Variants in IL18 observed in about 807,000 individuals in gnomAD.
IL18 encodes the protein interleukin-18.
In IL18, 8 loss-of-function variants were observed where a neutral mutation model predicts 14.2. The observed-to-expected ratio is 0.56, with a 90% confidence interval of 0.33 to 1.01. The LOEUF (loss-of-function observed/expected upper bound fraction) is 1.01. Among genes scored for constraint, IL18 ranks in the 50% least tolerant of loss-of-function variants. The probability of loss-of-function intolerance (pLI) is 0.03; values close to 1 mark genes in which losing one functional copy is unlikely to be tolerated. For synonymous variants in IL18, 67 were observed against 71.0 expected (o/e 0.94, Z 0.28); for missense variants, 166 against 231.1 (o/e 0.72, Z 1.83).
At chr11:112,156,570 C>A (rs1399984455) in intron 1 of IL18, among the ~76,000 whole-genome samples, 2 of 151,942 alleles carry the variant, frequency 1.3e-5, no homozygotes, top group Non-Finnish European at 2.9e-5. Context: ...GCCTGGGACT[C>A]CCATCTGGGA....
At chr11:112,159,234 C>T (rs752648134) in intron 1 of IL18, among the ~76,000 whole-genome samples, 3 of 151,834 alleles carry the variant, frequency 2.0e-5, no homozygotes, top group Non-Finnish European at 4.4e-5. Flanking sequence ...TACCTGTAGT[C>T]CCAGCTACTC....
chr11:112,163,793 CT>C (rs1470997290), intron 1 of IL18, 112 bp downstream of exon 1: 1 of 152,360 alleles, frequency 6.6e-6, no homozygotes, highest in Admixed American at 6.5e-5. Context: ...TTGATACTGA[CT>C]GCTCATCGTA....
intron 1 of IL18, among the ~76,000 whole-genome samples, chr11:112,161,629 T>C (rs1037300099): frequency 2.6e-5 from 4 of 152,096 alleles, no homozygotes; most frequent in Admixed American, 1.3e-4. Flanking sequence ...TGAAACCCTG[T>C]TTCTACTAAA....
At chr11:112,145,748 GA>G (rs1428684358) in intron 5 of IL18, among the ~76,000 whole-genome samples, 2 of 141,482 alleles carry the variant, frequency 1.4e-5, no homozygotes, top group East Asian at 1.9e-4. Context: ...CAAAAAAAAA[GA>G]AAAAAAGAAA....
At chr11:112,156,678 C>G (rs2135320559) in intron 1 of IL18, among the ~76,000 whole-genome samples, 1 of 152,124 alleles carries the variant, frequency 6.6e-6, no homozygotes, top group South Asian at 2.1e-4. Context: ...CTCCTGAGCT[C>G]AAATGGTTTG....
intron 3 of IL18, chr11:112,151,104 T>C (rs1191519299): frequency 6.6e-6 from 1 of 152,182 alleles, no homozygotes; most frequent in African/African-American, 2.4e-5. Context: ...TGTGTGAACA[T>C]TTTTGTACAG....
At chr11:112,149,558 G>GTTTTTTT (rs561459069) in intron 4 of IL18, among the ~76,000 whole-genome samples, 44 of 99,294 alleles carry the variant, frequency 4.4e-4, no homozygotes, top group Admixed American at 7.1e-4. Context: ...CTTTTCTTAA[G>GTTTTTTT]TTTTTTTTTT....
intron 3 of IL18, chr11:112,151,009 C>T (rs1284818660): frequency 6.6e-6 from 1 of 152,208 alleles, no homozygotes; most frequent in Non-Finnish European, 1.5e-5. Context: ...TCTACTGAAG[C>T]TTTAATTTGC....
chr11:112,144,086 T>A (rs1866294257), intron 5 of IL18, among the ~76,000 whole-genome samples: 1 of 152,144 alleles, frequency 6.6e-6, no homozygotes, highest in South Asian at 2.1e-4. Flanking sequence ...TCCCATTGAG[T>A]GGTGTCCACA....
At chr11:112,162,041 T>C (rs1227104441) in intron 1 of IL18, among the ~76,000 whole-genome samples, 1 of 152,212 alleles carries the variant, frequency 6.6e-6, no homozygotes, top group Non-Finnish European at 1.5e-5. Context: ...TCCTTGAACA[T>C]TCTGCCATCT....
At position 112,150,186 on chromosome 11, in the gene IL18, A is replaced by C. The variant is rs760493708; in HGVS notation, c.112T>G (p.Phe38Val). Residue 38 changes from phenylalanine (F) to valine (V), a missense_variant, in exon 4 of 6, where the codon TTT becomes GTT. Phe to Val is a conservative substitution (Grantham distance 50, BLOSUM62 -1). Coordinates refer to ENST00000280357, the MANE Select transcript of IL18 (RefSeq NM_001562.4). ...GATAATTTAGATTCAAGCTTGCCAA[A>C]GTAATCTGATTCCAGGTTTTCTACA... ...EDDENLESDY[F>V]GKLESKLSVI... 1 of 1,578,194 alleles carries C rather than the reference A, an allele frequency of 6.3e-7. No individual in the cohort carries two copies.
chr11:112,162,989 C>T (rs552049145), intron 1 of IL18, among the ~76,000 whole-genome samples: 2 of 152,202 alleles, frequency 1.3e-5, no homozygotes, highest in South Asian at 2.1e-4. Flanking sequence ...CCTGGCTGGT[C>T]TCAAATTCCT....
chr11:112,145,062 T>A (rs1459124863), intron 5 of IL18, among the ~76,000 whole-genome samples: 2 of 152,158 alleles, frequency 1.3e-5, no homozygotes, highest in African/African-American at 4.8e-5. Flanking sequence ...GCAGCACAGA[T>A]TCCCATGATC....
intron 5 of IL18, among the ~76,000 whole-genome samples, chr11:112,146,576 G>A (rs1361730751): frequency 6.6e-6 from 1 of 152,122 alleles, no homozygotes; most frequent in East Asian, 1.9e-4. Context: ...CACTCGCCTT[G>A]CCCTCCCAAA....
Position 112,143,796 on chromosome 11 carries a change from T to G in IL18, c.382A>C (p.Ile128Leu), listed in dbSNP as rs1866287616. The G allele has an allele frequency of 3.7e-6, 6 of 1,602,722 alleles. No individual in the cohort carries two copies. The highest frequency in any genetic ancestry group is 5.1e-6 in the Non-Finnish European group (6 of 1,170,832). The change falls in exon 6 of 6, where the codon ATC (isoleucine) becomes CTC (leucine). Residue 128 changes from isoleucine to leucine, a missense_variant. Coordinates refer to ENST00000280357, the MANE Select transcript of IL18 (RefSeq NM_001562.4). The stretch of plus-strand genomic sequence containing the variant: ...ATGATGTCACTTTTTGTATCCTTGA[T>G]GTTATCAGGAGGATTCATTTCCTAT... ...SFKEMNPPDN[I>L]KDTKSDIIFF...
At chr11:112,144,824 G>T (rs1233048235) in intron 5 of IL18, among the ~76,000 whole-genome samples, 3 of 152,238 alleles carry the variant, frequency 2.0e-5, no homozygotes, top group African/African-American at 7.2e-5. Context: ...AAGGCCAAAT[G>T]CAGATTCTTG....
chr11:112,151,096 T>G (rs1478543911), intron 3 of IL18: 2 of 152,234 alleles, frequency 1.3e-5, no homozygotes, highest in Non-Finnish European at 2.9e-5. Context: ...CAGACAAATG[T>G]GTGAACATTT....
intron 5 of IL18, among the ~76,000 whole-genome samples, chr11:112,145,511 G>A (rs958013101): frequency 6.6e-6 from 1 of 152,190 alleles, no homozygotes; most frequent in African/African-American, 2.4e-5. Flanking sequence ...AGGCTGAGGC[G>A]GGCGGATCAC....
At chr11:112,150,372 C>T in intron 3 of IL18, 166 bp from the exon 4 acceptor site, 1 of 552,710 alleles carries the variant, frequency 1.8e-6, no homozygotes, top group Non-Finnish European at 3.2e-6. Context: ...CTCAAAGGCA[C>T]ACTCAATTTC....
Sources: gnomAD v4.1 joint callset for allele counts (sites outside exome capture counted in the v4.1 genomes callset) on GRCh38, gnomAD v4.1.1 for gene constraint, MANE v1.5 for transcripts, NCBI Gene and HGNC (gene_info 2026-07-23, HGNC 2026-07-21) for gene names.